The following CSMD1 variants were observed in gnomAD, a reference collection of about 807,000 sequenced individuals.
CSMD1 encodes the protein CUB and Sushi multiple domains 1, also known as CUB and sushi domain-containing protein 1.
In CSMD1, 213 loss-of-function variants were observed where a neutral mutation model predicts 417.5. That is an observed-to-expected ratio of 0.51 (90% CI 0.46 to 0.57). The LOEUF is 0.57. Among genes scored for constraint, CSMD1 ranks in the 20% least tolerant of loss-of-function variants. CSMD1 has a pLI of 0.00. For missense variants in CSMD1, 6,923 were observed against 4,529.7 expected, an observed-to-expected ratio of 1.53 and a Z score of -15.17; for synonymous variants, 2,862 against 1,736.8, an observed-to-expected ratio of 1.65 and a Z score of -16.11.
rs1367203728 is a variant in CSMD1, at chr8:3,412,016, A to ACGTATATATACGTG, written c.1562-2412_1562-2411insCACGTATATATACG. On this transcript the variant is annotated intron_variant, in intron 12 of 69. Transcript: ENST00000635120. ...CGTGTATATACACGTATATATATAC[A>ACGTATATATACGTG]TATACACACGTATATATACACATAT... Among the ~76,000 whole-genome samples, 6 of 9,184 alleles carry ACGTATATATACGTG rather than the reference A, an allele frequency of 6.5e-4. 2 individuals carry two copies. The highest frequency in any genetic ancestry group is 1.3e-3 in the Non-Finnish European group (5 of 3,806). 6.0% of individuals were successfully genotyped at this position (9,184 alleles called of 152,430 possible).
chr8:4,270,587 C>T (rs548119552), intron 3 of CSMD1, among the ~76,000 whole-genome samples: 10 of 152,154 alleles, frequency 6.6e-5, no homozygotes, highest in Non-Finnish European at 1.2e-4. Context: ...CATTTTATAG[C>T]CCGACTTCCT....
At chr8:4,082,991 C>T (rs1585276259) in intron 3 of CSMD1, among the ~76,000 whole-genome samples, 1 of 151,936 alleles carries the variant, frequency 6.6e-6, no homozygotes, top group Admixed American at 6.6e-5. Context: ...ATATGTGCCA[C>T]ATTTTCTTAA....
At chr8:3,440,408 T>C (rs1409098298) in intron 12 of CSMD1, among the ~76,000 whole-genome samples, 2 of 152,178 alleles carry the variant, frequency 1.3e-5, no homozygotes, top group Admixed American at 6.5e-5. Flanking sequence ...TTTTGAGTGA[T>C]TATAAATTGT....
intron 52 of CSMD1, among the ~76,000 whole-genome samples, chr8:3,006,620 A>G (rs1343273807): frequency 6.6e-6 from 1 of 150,800 alleles, no homozygotes; most frequent in African/African-American, 2.4e-5. Flanking sequence ...ATAATGCCGC[A>G]TATCTACAAC....
intron 1 of CSMD1, among the ~76,000 whole-genome samples, chr8:4,865,723 C>G (rs905836733): frequency 6.6e-6 from 1 of 151,792 alleles, no homozygotes; most frequent in African/African-American, 2.4e-5. Flanking sequence ...CAAAATGTAT[C>G]TAAATTTACT....
chr8:4,806,681 G>A (rs190814623), intron 1 of CSMD1, among the ~76,000 whole-genome samples: 84 of 152,302 alleles, frequency 5.5e-4, no homozygotes, highest in African/African-American at 2.0e-3. Context: ...AACCATGGTC[G>A]CAGTGCCTGT....
chr8:3,972,140 G>A (rs889886182), intron 5 of CSMD1, among the ~76,000 whole-genome samples: 4 of 152,174 alleles, frequency 2.6e-5, no homozygotes, highest in African/African-American at 4.8e-5. Flanking sequence ...GAAAGTGCTG[G>A]GATGACAGGT....
intron 2 of CSMD1, among the ~76,000 whole-genome samples, chr8:4,423,175 A>G (rs1024002216): frequency 6.6e-6 from 1 of 152,124 alleles, no homozygotes; most frequent in African/African-American, 2.4e-5. Flanking sequence ...TGCTTTGAAC[A>G]TTCTTATTCA....
At chr8:3,814,345 G>A (rs1257297892) in intron 5 of CSMD1, among the ~76,000 whole-genome samples, 2 of 152,094 alleles carry the variant, frequency 1.3e-5, no homozygotes, top group Non-Finnish European at 2.9e-5. Context: ...TCTGACCAAG[G>A]ACATCTTTGA....
chr8:4,876,666 A>C (rs528729162), intron 1 of CSMD1, among the ~76,000 whole-genome samples: 7 of 152,200 alleles, frequency 4.6e-5, no homozygotes, highest in Admixed American at 2.6e-4. Flanking sequence ...GTTGTGTTTT[A>C]AGTGCCGTTA....
intron 3 of CSMD1, among the ~76,000 whole-genome samples, chr8:4,164,507 C>G (rs1797344031): frequency 6.6e-6 from 1 of 152,068 alleles, no homozygotes; most frequent in Admixed American, 6.6e-5. Context: ...GCTAATCCTA[C>G]CAATGTCCCC....
At chr8:4,205,323 T>C (rs1799912386) in intron 3 of CSMD1, among the ~76,000 whole-genome samples, 3 of 152,246 alleles carry the variant, frequency 2.0e-5, no homozygotes. Context: ...ACTCAGATAT[T>C]CTAAAATAAG....
At chr8:4,866,148 C>G (rs1702647437) in intron 1 of CSMD1, among the ~76,000 whole-genome samples, 1 of 151,944 alleles carries the variant, frequency 6.6e-6, no homozygotes, top group African/African-American at 2.4e-5. Context: ...TCCTATGCTG[C>G]AAAGTTTATG....
chr8:4,381,059 G>T (rs1803071678), intron 3 of CSMD1, among the ~76,000 whole-genome samples: 1 of 152,060 alleles, frequency 6.6e-6, no homozygotes, highest in Non-Finnish European at 1.5e-5. Context: ...GAGTATTGTG[G>T]GTTATATTAG....
chr8:3,555,700 A>G (rs892365564), intron 10 of CSMD1, among the ~76,000 whole-genome samples: 2 of 152,184 alleles, frequency 1.3e-5, no homozygotes, highest in African/African-American at 2.4e-5. Context: ...TAAAAATAAA[A>G]TATGTGTCTA....
At chr8:4,385,371 C>A (rs536689169) in intron 3 of CSMD1, among the ~76,000 whole-genome samples, 2 of 152,298 alleles carry the variant, frequency 1.3e-5, no homozygotes, top group South Asian at 4.1e-4. Flanking sequence ...CGACGTGGCC[C>A]CAGCCTTAAC....
At chr8:4,570,209 C>A (rs531515336) in intron 2 of CSMD1, among the ~76,000 whole-genome samples, 30 of 152,280 alleles carry the variant, frequency 2.0e-4, no homozygotes, top group African/African-American at 7.0e-4. Context: ...GCATCCTTGT[C>A]TTTTGCTGGT....
intron 26 of CSMD1, among the ~76,000 whole-genome samples, chr8:3,280,853 C>CT (rs1215271288): frequency 6.6e-6 from 1 of 152,006 alleles, no homozygotes; most frequent in Admixed American, 6.6e-5. Flanking sequence ...GGGTCTTCTT[C>CT]TTTTTTTCTA....
At chr8:3,387,148 G>C (rs774417489) in intron 18 of CSMD1, among the ~76,000 whole-genome samples, 17 of 152,180 alleles carry the variant, frequency 1.1e-4, no homozygotes, top group Non-Finnish European at 1.9e-4. Flanking sequence ...ACGTATGTCA[G>C]GGGAAAATCA....
Sources: allele counts gnomAD v4.1 joint callset (sites outside exome capture counted in the v4.1 genomes callset), GRCh38; gene constraint gnomAD v4.1.1; transcripts MANE v1.5; gene names NCBI Gene and HGNC (gene_info 2026-07-23, HGNC 2026-07-21).